The following CACNA1F variants were observed in gnomAD, a reference collection of about 807,000 sequenced individuals.
CACNA1F encodes the protein voltage-dependent L-type calcium channel subunit alpha-1F.
Under a neutral mutation model 143.8 loss-of-function variants are expected in CACNA1F, and 59 were observed. That is an observed-to-expected ratio of 0.41 (90% CI 0.33 to 0.51). The LOEUF (loss-of-function observed/expected upper bound fraction) is 0.51, where lower values mean the gene tolerates loss of function less well. Ranked by LOEUF, CACNA1F falls within the 20% of genes least tolerant of loss-of-function variation. CACNA1F has a pLI of 0.22. For missense variants in CACNA1F, 1,411 were observed against 1,647.5 expected, an observed-to-expected ratio of 0.86 and a Z score of 2.48; for synonymous variants, 643 against 649.1, an observed-to-expected ratio of 0.99 and a Z score of 0.14.
At chrX:49,228,511 GC>G in intron 6 of CACNA1F, 64 bp from the exon 7 acceptor site, 1 of 911,692 alleles carries the variant, frequency 1.1e-6, no homozygotes, top group Non-Finnish European at 1.6e-6. Flanking sequence ...CCACCCTGAA[GC>G]CCCGCCCACT....
rs782291247 is a variant in CACNA1F at position 49,206,826 on chromosome X, G to T, written c.5261C>A (p.Thr1754Asn). ...RLSYLDEQAG[T>N]PPCSVLLPPH... Reference sequence around the variant, plus strand: ...TGGCAAAAGGACTGAGCACGGGGGAGTCCCTGCCTGCTCATCTAGGTAGGA... The same window carrying T: ...TGGCAAAAGGACTGAGCACGGGGGATTCCCTGCCTGCTCATCTAGGTAGGA... Residue 1754 changes from threonine (T) to asparagine (N), a missense_variant, in exon 45 of 48, where the codon ACT (threonine) becomes AAT (asparagine). Physicochemically the swap from Thr to Asn is moderately conservative, Grantham distance 65. Around this residue, in one of 3 missense-constraint regions of CACNA1F, gnomAD observed 349 missense variants for 350.2 expected, o/e 1.00. Coordinates refer to ENST00000323022, the MANE Select transcript of CACNA1F (RefSeq NM_001256789.3). 20 of 1,204,793 alleles carry T rather than the reference G, an allele frequency of 1.7e-5. 1 individual carries two copies. The Admixed American group carries it at 3.9e-4, about 24-fold the overall frequency.
In CACNA1F at chrX:49,218,741, G is replaced by A; in HGVS notation, c.2734-6C>T. On this transcript the variant is annotated splice_polypyrimidine_tract_variant and splice_region_variant and intron_variant, in intron 22 of 47. Coordinates refer to ENST00000323022, the MANE Select transcript of CACNA1F (RefSeq NM_001256789.3). ...AAGGCCCCAAACACTGTCATCTGGGGACAGGACAAGAGGCTAGACTCAGAC... is the reference window on the plus strand; with the variant it reads ...AAGGCCCCAAACACTGTCATCTGGGAACAGGACAAGAGGCTAGACTCAGAC... 1.1e-6 allele frequency: 1 copy of A among 944,353 alleles called. No homozygotes were observed. The highest frequency in any genetic ancestry group is 1.4e-6 in the Non-Finnish European group (1 of 724,244). The allele number at this position is 944,353 out of a possible 1,213,427, so 77.8% of individuals were successfully genotyped here.
Position 49,227,086 on chromosome X carries a change from T to C in CACNA1F, c.1160A>G (p.Asp387Gly), listed in dbSNP as rs1557110218. ...KEREKAKARGDFQKQREKQQM... is the reference protein window; with the variant it reads ...KEREKAKARGGFQKQREKQQM... ...CTGCTTCTCCCGCTGCTTCTGGAAGTCCCCGCGAGCTTTCGCTTTCTCTCT... is the reference window on the plus strand; with the variant it reads ...CTGCTTCTCCCGCTGCTTCTGGAAGCCCCCGCGAGCTTTCGCTTTCTCTCT... Residue 387 changes from aspartate to glycine, a missense_variant, in exon 9 of 48, where the codon GAC becomes GGC. Coordinates refer to ENST00000323022, the MANE Select transcript of CACNA1F (RefSeq NM_001256789.3). 1 of 1,198,391 alleles carries C rather than the reference T, an allele frequency of 8.3e-7. No individual in the cohort carries two copies. Among genetic ancestry groups the C allele is most frequent in the Admixed American group, 2.3e-5 (1 of 44,266 alleles).
In CACNA1F at chrX:49,209,936, C is replaced by T; in HGVS notation, c.4690+5G>A. On this transcript the variant is annotated splice_donor_5th_base_variant and intron_variant, in intron 40 of 47. Transcript: ENST00000323022. ...GCGCGGGGAACTGGGGCGGGGATAGCTCACCGTCTGGTGGGGGGATGACCT... is the reference window on the plus strand; with the variant it reads ...GCGCGGGGAACTGGGGCGGGGATAGTTCACCGTCTGGTGGGGGGATGACCT... 3 of 1,185,356 alleles carry T rather than the reference C, an allele frequency of 2.5e-6. No individual in the cohort carries two copies. Among genetic ancestry groups the T allele is most frequent in the Non-Finnish European group, 3.4e-6 (3 of 871,410 alleles).
chrX:49,206,558 G>A lies in CACNA1F; in HGVS notation c.5425C>T (p.Pro1809Ser), dbSNP rs201670058. ...TTTCGCCCACGATGATAGGTGCCTG[G>A]GATGGGTAAATCCTCACAACTGCCC... is the stretch of plus-strand genomic sequence containing the variant. Reference protein sequence around the residue: ...RQGSCEDLPIPGTYHRGRNSG... With the variant: ...RQGSCEDLPISGTYHRGRNSG... The change falls in exon 46 of 48, where the codon CCA (proline) becomes TCA (serine). Residue 1809 changes from proline to serine, a missense_variant. Around this residue, in one of 3 missense-constraint regions of CACNA1F, gnomAD observed 349 missense variants for 350.2 expected, o/e 1.00. Transcript: ENST00000323022. The A allele has an allele frequency of 8.3e-7, 1 of 1,209,328 alleles. No homozygotes were observed. The highest frequency in any genetic ancestry group is 3.0e-5 in the East Asian group (1 of 33,756).
chrX:49,222,701 C>G lies in CACNA1F; in HGVS notation c.2206+17G>C. ...CCGACTCCACCATCATCCAGCCCCA[C>G]AAAGCTCCAAGGATACAGTTGCCAC... On this transcript the variant is annotated intron_variant, in intron 16 of 47. Coordinates refer to ENST00000323022, the MANE Select transcript of CACNA1F (RefSeq NM_001256789.3). 8.3e-7 allele frequency: 1 copy of G among 1,211,613 alleles called. No individual in the cohort carries two copies. Among genetic ancestry groups the G allele is most frequent in the Non-Finnish European group, 1.1e-6 (1 of 895,362 alleles).
Position 49,222,952 on chromosome X carries a change from G to T in CACNA1F, c.2062C>A (p.Gln688Lys), listed in dbSNP as rs1557109059. The change falls in exon 15 of 48, where the codon CAG becomes AAG. Residue 688 changes from glutamine to lysine, a missense_variant. By Grantham distance (53) the Gln-to-Lys change is moderately conservative. Transcript: ENST00000323022. The stretch of plus-strand genomic sequence containing the variant: ...ACCTGAAAGACAGTGAGGAGGGCCT[G>T]GGGGAACGTGTCAAAGGTGCTTCGC... ...TKRSTFDTFPQALLTVFQILT... is the reference protein window; with the variant it reads ...TKRSTFDTFPKALLTVFQILT... The T allele has an allele frequency of 1.7e-6, 2 of 1,203,172 alleles. No individual in the cohort carries two copies. Among genetic ancestry groups the T allele is most frequent in the Admixed American group, 4.4e-5 (2 of 44,969 alleles).
In CACNA1F at chrX:49,224,746, T is replaced by A. The variant is rs1017492914; in HGVS notation, c.1877+15A>T. ...GTGTTTGAGGCCCTTGTCTTCCCCCTCCCCTAATACAAACCTGGTGACCTT... is the reference window on the plus strand; with the variant it reads ...GTGTTTGAGGCCCTTGTCTTCCCCCACCCCTAATACAAACCTGGTGACCTT... On this transcript the variant is annotated intron_variant, in intron 14 of 47. Transcript: ENST00000323022. The A allele has an allele frequency of 1.8e-6, 2 of 1,091,309 alleles. No homozygotes were observed. The highest frequency in any genetic ancestry group is 2.5e-6 in the Non-Finnish European group (2 of 803,042). The allele number at this position is 1,091,309 out of a possible 1,213,427, so 89.9% of individuals were successfully genotyped here. A position where few individuals can be genotyped will look rare whatever the true frequency, so the allele number is the denominator to read the frequency against.
chrX:49,227,228 CA>C, intron 8 of CACNA1F, 101 bp from the exon 9 acceptor site: 1 of 665,943 alleles, frequency 1.5e-6, no homozygotes, highest in East Asian at 3.5e-5. Flanking sequence ...TTGAATATGC[CA>C]AGCACATTCT....
At position 49,206,525 on chromosome X, in the gene CACNA1F, G is replaced by A; in HGVS notation, c.5458C>T (p.Pro1820Ser). The change falls in exon 46 of 48, where the codon CCC becomes TCC. Residue 1820 changes from proline (P) to serine (S), a missense_variant. Pro to Ser is a moderately conservative substitution (Grantham distance 74, BLOSUM62 -1). Around this residue, in one of 3 missense-constraint regions of CACNA1F, gnomAD observed 349 missense variants for 350.2 expected, o/e 1.00. Coordinates refer to ENST00000323022, the MANE Select transcript of CACNA1F (RefSeq NM_001256789.3). Reference protein sequence around the residue: ...GTYHRGRNSGPNRAQGSWATP... With the variant: ...GTYHRGRNSGSNRAQGSWATP... ...CACAGCCTCACCTGAGCCCTATTGG[G>A]CCCTGAATTTCGCCCACGATGATAG... The A allele has an allele frequency of 1.7e-6, 2 of 1,203,404 alleles. No individual in the cohort carries two copies. The highest frequency in any genetic ancestry group is 2.3e-6 in the Non-Finnish European group (2 of 887,933).
chrX:49,226,958 C>T lies in CACNA1F; in HGVS notation c.1276+12G>A, dbSNP rs1557110157. 8.3e-7 allele frequency: 1 copy of T among 1,212,105 alleles called. No homozygotes were observed. Among genetic ancestry groups the T allele is most frequent in the Non-Finnish European group, 1.1e-6 (1 of 895,474 alleles). ...CTACGATGGCCCGCCCGGCCCTCTT[C>T]AGCCATAGAACCAAGGTTGTCATCG... On this transcript the variant is annotated intron_variant, in intron 9 of 47. Coordinates refer to ENST00000323022, the MANE Select transcript of CACNA1F (RefSeq NM_001256789.3).
chrX:49,208,588 G>C lies in CACNA1F; in HGVS notation c.5050C>G (p.Pro1684Ala), dbSNP rs782492956. The C allele has an allele frequency of 1.8e-5, 22 of 1,209,979 alleles. No individual in the cohort carries two copies. Among genetic ancestry groups the C allele is most frequent in the Admixed American group, 4.3e-5 (2 of 45,982 alleles). ...DRLPDSLSFG[P>A]SDDDRGTPTS... is the part of the protein sequence containing the mutation. ...GGAGTCCCCCTGTCATCATCACTGGGCCCAAAGGAGAGTGAATCTGGAAGT... is the reference window on the plus strand; with the variant it reads ...GGAGTCCCCCTGTCATCATCACTGGCCCCAAAGGAGAGTGAATCTGGAAGT... Residue 1684 changes from proline (P) to alanine (A), a missense_variant, in exon 43 of 48, where the codon CCC becomes GCC. This residue lies in a region of CACNA1F where 349 missense variants were observed against 350.2 expected (regional missense o/e 1.00). Coordinates refer to ENST00000323022, the MANE Select transcript of CACNA1F (RefSeq NM_001256789.3).
chrX:49,209,155 G>A (rs1239910894), intron 42 of CACNA1F, 107 bp downstream of exon 42: 2 of 930,191 alleles, frequency 2.2e-6, no homozygotes, highest in African/African-American at 1.9e-5. Context: ...ATTGCAGAGG[G>A]GGCTTCTCTG....
At position 49,228,437 on chromosome X, in the gene CACNA1F, C is replaced by T. The variant is rs782345338; in HGVS notation, c.828G>A (p.Ala276=). ...TCYFLGSDME[A]EEDPSPCASS... Reference sequence around the variant, plus strand: ...ACGCACAGGGCGATGGGTCCTCCTCCGCTTCCATGTCTGCAGGAAGACTGG... The same window carrying T: ...ACGCACAGGGCGATGGGTCCTCCTCTGCTTCCATGTCTGCAGGAAGACTGG... Residue 276 remains alanine, a synonymous_variant, in exon 7 of 48, where the codon GCG becomes GCA. Coordinates refer to ENST00000323022, the MANE Select transcript of CACNA1F (RefSeq NM_001256789.3). 3 of 1,200,773 alleles carry T rather than the reference C, an allele frequency of 2.5e-6. No individual in the cohort carries two copies. The highest frequency in any genetic ancestry group is 3.4e-6 in the Non-Finnish European group (3 of 889,350).
chrX:49,209,931 G>A lies in CACNA1F; in HGVS notation c.4690+10C>T. 3 of 1,176,755 alleles carry A rather than the reference G, an allele frequency of 2.5e-6. No homozygotes were observed. The highest frequency in any genetic ancestry group is 3.5e-6 in the Non-Finnish European group (3 of 863,589). ...GGCTGGCGCGGGGAACTGGGGCGGG[G>A]ATAGCTCACCGTCTGGTGGGGGGAT... On this transcript the variant is annotated intron_variant, in intron 40 of 47. Coordinates refer to ENST00000323022, the MANE Select transcript of CACNA1F (RefSeq NM_001256789.3).
In CACNA1F at chrX:49,206,536, C is replaced by T. The variant is rs372426153; in HGVS notation, c.5447G>A (p.Arg1816Gln). The T allele has an allele frequency of 8.6e-5, 104 of 1,205,978 alleles. No individual in the cohort carries two copies. Among genetic ancestry groups the T allele is most frequent in the Non-Finnish European group, 1.1e-4 (94 of 891,624 alleles). Residue 1816 changes from arginine (R) to glutamine (Q), a missense_variant, in exon 46 of 48, where the codon CGA (arginine) becomes CAA (glutamine). Physicochemically the swap from Arg to Gln is conservative, Grantham distance 43. Transcript: ENST00000323022. ...CTGAGCCCTATTGGGCCCTGAATTT[C>T]GCCCACGATGATAGGTGCCTGGGAT... ...LPIPGTYHRG[R>Q]NSGPNRAQGS...
At chrX:49,226,133 G>T (rs920311915) in intron 12 of CACNA1F, 64 bp from the exon 13 acceptor site, 1 of 1,130,764 alleles carries the variant, frequency 8.8e-7, no homozygotes, top group Non-Finnish European at 1.2e-6. Context: ...GGGCTCAGGT[G>T]GGGGATCCAA....
chrX:49,208,853 G>T, intron 42 of CACNA1F, 169 bp from the exon 43 acceptor site: 2 of 487,038 alleles, frequency 4.1e-6, no homozygotes, highest in East Asian at 7.4e-5. Flanking sequence ...TTGCGATAGG[G>T]TCTTGTCCTG....
intron 13 of CACNA1F, 22 bp downstream of exon 13, chrX:49,225,887 G>A (rs782222886): frequency 5.2e-6 from 6 of 1,163,493 alleles, no homozygotes; most frequent in South Asian, 1.9e-5. Context: ...TGGGGGAGAC[G>A]ACTAGCAGGC....
Sources: allele counts gnomAD v4.1 joint callset, GRCh38; gene constraint gnomAD v4.1.1; regional missense constraint gnomAD v4.1.1; transcripts MANE v1.5; gene names NCBI Gene and HGNC (gene_info 2026-07-23, HGNC 2026-07-21).